Variants in GABRP observed in about 807,000 individuals in gnomAD.
GABRP encodes gamma-aminobutyric acid receptor subunit pi.
A neutral mutation model predicts 47.8 loss-of-function variants in GABRP; 52 were observed. The observed-to-expected ratio is 1.09, with a 90% confidence interval of 0.87 to 1.37. GABRP has a LOEUF of 1.37. GABRP is among the 40% of genes most tolerant of loss of function. GABRP has a pLI of 0.00. For synonymous variants in GABRP, 221 were observed against 205.8 expected (o/e 1.07, Z -0.63); for missense variants, 525 against 542.8 (o/e 0.97, Z 0.33).
At chr5:170,810,936 C>T (rs1765867360) in intron 9 of GABRP, among the ~76,000 whole-genome samples, 1 of 151,700 alleles carries the variant, frequency 6.6e-6, no homozygotes, top group Non-Finnish European at 1.5e-5. Flanking sequence ...CTCCTCATCC[C>T]CCCGCCCAAG....
At position 170,793,447 on chromosome 5, in the gene GABRP, G is replaced by A. The variant is rs544400307; in HGVS notation, c.173-784G>A. Among the ~76,000 whole-genome samples, 295 of 152,228 alleles carry A rather than the reference G, an allele frequency of 1.9e-3. 1 individual carries two copies. The highest frequency in any genetic ancestry group is 6.7e-3 in the African/African-American group (279 of 41,540). On this transcript the variant is annotated intron_variant, in intron 3 of 9. Transcript: ENST00000265294. The stretch of plus-strand genomic sequence containing the variant: ...TGTCTGCTGAGACTCCAGGATTGAG[G>A]CCCAACAGTCTGCACACTGGACCAA...
chr5:170,793,266 T>A (rs1765327169), intron 3 of GABRP, among the ~76,000 whole-genome samples: 1 of 152,158 alleles, frequency 6.6e-6, no homozygotes, highest in Non-Finnish European at 1.5e-5. Flanking sequence ...TTTTCCCAAA[T>A]AAAGAACTGG....
chr5:170,795,147 T>G (rs1765390890), intron 4 of GABRP, 61 bp from the exon 5 acceptor site: 1 of 1,201,492 alleles, frequency 8.3e-7, no homozygotes, highest in Admixed American at 1.7e-5. Flanking sequence ...TTTCCTCCAT[T>G]TGGTGGGGTT....
Position 170,806,639 on chromosome 5 carries a change from G to A in GABRP, c.679+786G>A, listed in dbSNP as rs1037557161. Reference sequence around the variant, plus strand: ...TGTATTTTTGGTAGAGAGGGGTTTCGCCATGTTGGCCAGGCTGGTCTCGAA... The same window carrying A: ...TGTATTTTTGGTAGAGAGGGGTTTCACCATGTTGGCCAGGCTGGTCTCGAA... On this transcript the variant is annotated intron_variant, in intron 7 of 9. Coordinates refer to ENST00000265294, the MANE Select transcript of GABRP (RefSeq NM_014211.3). Among the ~76,000 whole-genome samples, 16 of 151,972 alleles carry A rather than the reference G, an allele frequency of 1.1e-4. No individual in the cohort carries two copies. The South Asian group carries it at 1.5e-3, about 14-fold the overall frequency.
intron 6 of GABRP, among the ~76,000 whole-genome samples, chr5:170,805,051 A>C (rs1765694397): frequency 6.7e-6 from 1 of 148,380 alleles, no homozygotes; most frequent in Admixed American, 6.8e-5. Flanking sequence ...ATATAAATCA[A>C]CTACAAGATC....
At chr5:170,804,966 G>A (rs772888119) in intron 6 of GABRP, among the ~76,000 whole-genome samples, 41 of 122,808 alleles carry the variant, frequency 3.3e-4, no homozygotes, top group South Asian at 1.9e-3. Flanking sequence ...ACATATATAC[G>A]TTTATATATT....
At chr5:170,789,502 C>T (rs1248740812) in intron 3 of GABRP, among the ~76,000 whole-genome samples, 1 of 152,174 alleles carries the variant, frequency 6.6e-6, no homozygotes, top group Non-Finnish European at 1.5e-5. Context: ...AACACTCACA[C>T]ACTGTCGTCC....
At chr5:170,808,044 A>C (rs1052092281) in intron 7 of GABRP, among the ~76,000 whole-genome samples, 1 of 152,194 alleles carries the variant, frequency 6.6e-6, no homozygotes, top group Admixed American at 6.5e-5. Flanking sequence ...ACCACAGAGA[A>C]TTCTGTTACT....
At chr5:170,806,661 C>G (rs1388142239) in intron 7 of GABRP, among the ~76,000 whole-genome samples, 1 of 152,196 alleles carries the variant, frequency 6.6e-6, no homozygotes. Flanking sequence ...AGGCTGGTCT[C>G]GAACTCCTGA....
chr5:170,795,624 T>G (rs1309883276), intron 5 of GABRP, among the ~76,000 whole-genome samples, 199 bp downstream of exon 5: 1 of 152,206 alleles, frequency 6.6e-6, no homozygotes, highest in Non-Finnish European at 1.5e-5. Context: ...AGCCCCATGC[T>G]GGCCACAGGA....
intron 7 of GABRP, 78 bp downstream of exon 7, chr5:170,805,931 G>T: frequency 6.6e-7 from 1 of 1,505,418 alleles, no homozygotes. Flanking sequence ...CAGAAATATC[G>T]TCTTCTCACT....
chr5:170,814,005 G>A lies in GABRP; in HGVS notation c.*1747G>A, dbSNP rs1197048194. On this transcript the variant is annotated 3_prime_UTR_variant, in exon 10 of 10. Transcript: ENST00000265294. ...TTTATATAAAAACAATGATAAAGAT[G>A]TGAAACTGTGAAATAAATATACCAT... 10 of 152,164 alleles carry A rather than the reference G, an allele frequency of 6.6e-5. No individual in the cohort carries two copies. Among genetic ancestry groups the A allele is most frequent in the Admixed American group, 6.6e-4 (10 of 15,264 alleles). 9.4% of individuals were successfully genotyped at this position (152,164 alleles called of 1,614,324 possible). A position where few individuals can be genotyped will look rare whatever the true frequency, so the allele number is the denominator to read the frequency against.
intron 3 of GABRP, among the ~76,000 whole-genome samples, chr5:170,792,208 T>C (rs188008457): frequency 0.012 from 1,882 of 152,196 alleles, 18 homozygotes; most frequent in Non-Finnish European, 0.02. Context: ...TTTGGGAGGC[T>C]GAGGTGGGCA....
intron 5 of GABRP, among the ~76,000 whole-genome samples, chr5:170,796,651 A>G (rs781770256): frequency 1.3e-5 from 2 of 152,180 alleles, no homozygotes; most frequent in Non-Finnish European, 2.9e-5. Context: ...GGGGTAATGC[A>G]TGCAAAGCAC....
rs759120936 is a variant in GABRP at position 170,805,834 on chromosome 5, C to T, written c.660C>T (p.Thr220=). ...YTIERYFTLV[T]RSQQETGNYT... ...TAGAGCGGTATTTCACCTTAGTCAC[C>T]AGATCGCAGCAGGAGACAGGTAACT... Residue 220 remains threonine, a synonymous_variant, in exon 7 of 10, where the codon ACC becomes ACT. Coordinates refer to ENST00000265294, the MANE Select transcript of GABRP (RefSeq NM_014211.3). 6.2e-7 allele frequency: 1 copy of T among 1,614,104 alleles called. No individual in the cohort carries two copies. The highest frequency in any genetic ancestry group is 2.2e-5 in the East Asian group (1 of 44,890).
chr5:170,789,670 T>C (rs1765216664), intron 3 of GABRP, among the ~76,000 whole-genome samples: 1 of 152,148 alleles, frequency 6.6e-6, no homozygotes, highest in Admixed American at 6.5e-5. Context: ...AACACCTGTA[T>C]GTGTCCCAGC....
chr5:170,794,855 G>T (rs1235723314), intron 4 of GABRP, among the ~76,000 whole-genome samples: 1 of 151,776 alleles, frequency 6.6e-6, no homozygotes, highest in East Asian at 2.0e-4. Context: ...ATTTGGTGGG[G>T]CCTTAGTGAT....
At chr5:170,784,862 C>T (rs948832486) in intron 1 of GABRP, among the ~76,000 whole-genome samples, 7 of 152,324 alleles carry the variant, frequency 4.6e-5, no homozygotes, top group Admixed American at 2.0e-4. Context: ...GAGATGCCCT[C>T]GGGGCAGGAT....
At chr5:170,790,973 A>G (rs1353656830) in intron 3 of GABRP, among the ~76,000 whole-genome samples, 1 of 152,150 alleles carries the variant, frequency 6.6e-6, no homozygotes, top group Non-Finnish European at 1.5e-5. Flanking sequence ...ACATTAAAGA[A>G]CCTAAAGAGG....
Sources: allele counts gnomAD v4.1 joint callset (sites outside exome capture counted in the v4.1 genomes callset), GRCh38; gene constraint gnomAD v4.1.1; transcripts MANE v1.5; gene names NCBI Gene and HGNC (gene_info 2026-07-23, HGNC 2026-07-21).